XPR1: variants seen among roughly 807,000 people sequenced by gnomAD.
XPR1 encodes solute carrier family 53 member 1.
XPR1 carries 28 observed loss-of-function variants against 87.5 expected under a neutral mutation model. That is an observed-to-expected ratio of 0.32 (90% confidence interval 0.24 to 0.44). The LOEUF (loss-of-function observed/expected upper bound fraction) is 0.44. XPR1 is among the 20% of genes least tolerant of loss of function. XPR1 has a pLI of 1.00. For missense variants in XPR1, 559 were observed against 862.3 expected (o/e 0.65, Z 4.41); for synonymous variants, 300 against 306.1 (o/e 0.98, Z 0.21).
intron 1 of XPR1, among the ~76,000 whole-genome samples, chr1:180,667,101 G>C (rs750818147): frequency 6.6e-6 from 1 of 152,008 alleles, no homozygotes; most frequent in Non-Finnish European, 1.5e-5. Flanking sequence ...TTTTTGTAGA[G>C]ACAGGGTTTC....
chr1:180,671,322 C>T (rs1571706265), intron 1 of XPR1, among the ~76,000 whole-genome samples: 1 of 151,908 alleles, frequency 6.6e-6, no homozygotes, highest in Admixed American at 6.6e-5. Context: ...GGTGGTTAAA[C>T]CAGTTAAAAT....
chr1:180,634,650 A>T (rs1237196262), intron 1 of XPR1, among the ~76,000 whole-genome samples: 1 of 152,128 alleles, frequency 6.6e-6, no homozygotes, highest in Non-Finnish European at 1.5e-5. Context: ...TTGTTTTTCA[A>T]GCACTGGTGG....
intron 1 of XPR1, among the ~76,000 whole-genome samples, chr1:180,674,261 T>G (rs1656289590): frequency 6.6e-6 from 1 of 152,138 alleles, no homozygotes; most frequent in South Asian, 2.1e-4. Flanking sequence ...TGTTGTTTGT[T>G]TTTGTGTTTG....
chr1:180,735,634 C>T (rs548551483), intron 2 of XPR1, among the ~76,000 whole-genome samples: 5 of 152,264 alleles, frequency 3.3e-5, no homozygotes, highest in Non-Finnish European at 2.9e-5. Context: ...CCTTCATCTA[C>T]AATTTAATGA....
At chr1:180,647,121 C>T (rs759582001) in intron 1 of XPR1, among the ~76,000 whole-genome samples, 2 of 152,230 alleles carry the variant, frequency 1.3e-5, no homozygotes, top group South Asian at 2.1e-4. Flanking sequence ...AGATCCCTCG[C>T]ATGCGCAGTT....
At chr1:180,819,459 A>G (rs1650532619) in intron 7 of XPR1, among the ~76,000 whole-genome samples, 1 of 152,184 alleles carries the variant, frequency 6.6e-6, no homozygotes, top group African/African-American at 2.4e-5. Context: ...TGAAAGCCTT[A>G]GAGATTTTCT....
At chr1:180,866,606 T>C (rs532026720) in intron 12 of XPR1, among the ~76,000 whole-genome samples, 1 of 152,294 alleles carries the variant, frequency 6.6e-6, no homozygotes, top group African/African-American at 2.4e-5. Context: ...TTAAGCCTAA[T>C]AATAAAGTGA....
intron 2 of XPR1, among the ~76,000 whole-genome samples, chr1:180,709,454 G>C (rs6688486): frequency 0.39 from 59,412 of 151,820 alleles, 11,854 homozygotes; most frequent in African/African-American, 0.42. Context: ...GCTTCCCACC[G>C]CATCTCACTC....
At chr1:180,682,479 CAG>C in intron 2 of XPR1, 68 bp downstream of exon 2, 1 of 1,329,764 alleles carries the variant, frequency 7.5e-7, no homozygotes. Flanking sequence ...TTTTGTACTG[CAG>C]AGTATAAAAC....
At chr1:180,803,361 T>A in intron 3 of XPR1, 27 bp from the exon 4 acceptor site, 4 of 1,591,442 alleles carry the variant, frequency 2.5e-6, no homozygotes, top group Non-Finnish European at 3.4e-6. Flanking sequence ...TCTTACTGAT[T>A]TGACAGTTCC....
chr1:180,710,843 C>T (rs1657748148), intron 2 of XPR1, among the ~76,000 whole-genome samples: 1 of 151,478 alleles, frequency 6.6e-6, no homozygotes, highest in Non-Finnish European at 1.5e-5. Flanking sequence ...CCCCCACCTC[C>T]CTCCCGAACG....
intron 1 of XPR1, among the ~76,000 whole-genome samples, chr1:180,672,988 A>G (rs1656237145): frequency 6.6e-6 from 1 of 152,112 alleles, no homozygotes; most frequent in Admixed American, 6.5e-5. Context: ...AATCCAGTAG[A>G]TTGTAAAGTG....
intron 2 of XPR1, among the ~76,000 whole-genome samples, chr1:180,764,207 G>C (rs959478904): frequency 2.6e-5 from 4 of 152,112 alleles, no homozygotes; most frequent in Non-Finnish European, 5.9e-5. Context: ...TACACAAGCT[G>C]TTTAATGCGC....
chr1:180,682,396 G>A lies in XPR1; in HGVS notation c.106G>A (p.Ala36Thr). The A allele has an allele frequency of 4.4e-6, 7 of 1,600,366 alleles. No individual in the cohort carries two copies. Among genetic ancestry groups the A allele is most frequent in the Non-Finnish European group, 6.0e-6 (7 of 1,173,066 alleles). ...TATGCTGTATTCAGCTCAGGACCAG[G>A]CACCTTCTGTGGAAGGTAAGATGAA... ...KDMLYSAQDQ[A>T]PSVEVTDEDT... Residue 36 changes from alanine (A) to threonine (T), a missense_variant, in exon 2 of 15, where the codon GCA becomes ACA. Physicochemically the swap from Ala to Thr is moderately conservative, Grantham distance 58. Around this residue, in one of 7 missense-constraint regions of XPR1, gnomAD observed 159 missense variants for 263.3 expected, o/e 0.60. Coordinates refer to ENST00000367590, the MANE Select transcript of XPR1 (RefSeq NM_004736.4).
At chr1:180,873,996 C>G (rs955864354) in intron 13 of XPR1, 54 bp downstream of exon 13, 1 of 1,497,044 alleles carries the variant, frequency 6.7e-7, no homozygotes, top group African/African-American at 1.4e-5. Flanking sequence ...TAAAAGACAC[C>G]CAATACTTAC....
At chr1:180,763,509 C>T (rs1648133560) in intron 2 of XPR1, among the ~76,000 whole-genome samples, 1 of 152,124 alleles carries the variant, frequency 6.6e-6, no homozygotes, top group South Asian at 2.1e-4. Context: ...TTTTTAACAT[C>T]AGTACTGAGA....
rs116777496 is a variant in XPR1, at chr1:180,786,013, T to A, written c.122-1740T>A. On this transcript the variant is annotated intron_variant, in intron 2 of 14. Coordinates refer to ENST00000367590, the MANE Select transcript of XPR1 (RefSeq NM_004736.4). ...GACCTGCTTCATGCTTTGAAAAAAA[T>A]AATTCCCGGTGACCTTGGGCAGCTA... 6.5e-3 allele frequency among the ~76,000 whole-genome samples: 984 copies of A among 150,576 alleles called. 17 individuals are homozygous for A. Among genetic ancestry groups the A allele is most frequent in the Non-Finnish European group, 0.011 (718 of 67,584 alleles).
intron 2 of XPR1, among the ~76,000 whole-genome samples, chr1:180,707,545 A>T (rs917286771): frequency 1.3e-5 from 2 of 152,216 alleles, no homozygotes; most frequent in African/African-American, 4.8e-5. Flanking sequence ...TACCTACATA[A>T]CACTATCTGA....
intron 11 of XPR1, among the ~76,000 whole-genome samples, chr1:180,837,291 A>G (rs1651328391): frequency 6.6e-6 from 1 of 152,224 alleles, no homozygotes; most frequent in Non-Finnish European, 1.5e-5. Flanking sequence ...CCTTTTTCCA[A>G]GAACTGTCAG....
Sources: gnomAD v4.1 joint callset for allele counts (sites outside exome capture counted in the v4.1 genomes callset) on GRCh38, gnomAD v4.1.1 for gene constraint, gnomAD v4.1.1 regional missense constraint, MANE v1.5 for transcripts, NCBI Gene and HGNC (gene_info 2026-07-23, HGNC 2026-07-21) for gene names.